APP: variants seen among roughly 807,000 people sequenced by gnomAD.
APP encodes amyloid-beta precursor protein.
APP carries 31 observed loss-of-function variants against 101.4 expected under a neutral mutation model. The observed-to-expected ratio is 0.31, with a 90% CI of 0.23 to 0.41. The LOEUF (loss-of-function observed/expected upper bound fraction) is 0.41. Ranked by LOEUF, APP falls within the 10% of genes least tolerant of loss-of-function variation. The pLI is 1.00. For missense variants in APP, 839 were observed against 1,003.7 expected, an observed-to-expected ratio of 0.84 and a Z score of 2.22; for synonymous variants, 366 against 364.4, an observed-to-expected ratio of 1.00 and a Z score of -0.05.
intron 1 of APP, 127 bp from the exon 2 acceptor site, chr21:26,112,273 C>T: frequency 1.1e-6 from 1 of 925,700 alleles, no homozygotes; most frequent in Non-Finnish European, 1.7e-6. Flanking sequence ...TCAGCCCGGT[C>T]TTCAACACTC....
chr21:25,903,300 C>T (rs941261377), intron 15 of APP, among the ~76,000 whole-genome samples: 2 of 144,228 alleles, frequency 1.4e-5, no homozygotes, highest in African/African-American at 5.2e-5. Context: ...ACCCCCGAGG[C>T]AGAGGTTGCA....
At chr21:26,087,041 G>T (rs999462916) in intron 3 of APP, among the ~76,000 whole-genome samples, 4 of 152,136 alleles carry the variant, frequency 2.6e-5, no homozygotes, top group Non-Finnish European at 5.9e-5. Context: ...TTACACCTAT[G>T]TCCCTATGTT....
chr21:26,121,754 T>C (rs1295038485), intron 1 of APP, among the ~76,000 whole-genome samples: 1 of 152,234 alleles, frequency 6.6e-6, no homozygotes, highest in Admixed American at 6.5e-5. Flanking sequence ...GTGAGTTTTC[T>C]AGAGTTTAAG....
At chr21:26,063,055 T>C (rs2046333703) in intron 3 of APP, among the ~76,000 whole-genome samples, 1 of 152,204 alleles carries the variant, frequency 6.6e-6, no homozygotes, top group Non-Finnish European at 1.5e-5. Context: ...TGAGCCACTG[T>C]ACCCAGCCTG....
chr21:25,992,824 G>A (rs780086357), intron 8 of APP, among the ~76,000 whole-genome samples: 4 of 152,208 alleles, frequency 2.6e-5, no homozygotes, highest in Non-Finnish European at 4.4e-5. Flanking sequence ...GGAGCAAAGT[G>A]TAATCCCAGG....
At chr21:25,917,918 A>G (rs1480093959) in intron 13 of APP, among the ~76,000 whole-genome samples, 2 of 130,730 alleles carry the variant, frequency 1.5e-5, no homozygotes, top group East Asian at 3.2e-4. Flanking sequence ...CAAACATATG[A>G]AAAAAAAAAA....
At chr21:25,945,643 T>C (rs185892110) in intron 13 of APP, 1 of 278,790 alleles carries the variant, frequency 3.6e-6, no homozygotes, top group East Asian at 1.2e-4. Flanking sequence ...ATATTATCTA[T>C]GGACAATTGA....
chr21:25,883,081 A>G (rs1295143121), intron 17 of APP, among the ~76,000 whole-genome samples: 1 of 152,130 alleles, frequency 6.6e-6, no homozygotes, highest in Non-Finnish European at 1.5e-5. Context: ...ACTAGACCAC[A>G]CTGGCTGATA....
chr21:26,047,728 T>C (rs2045667786), intron 5 of APP, among the ~76,000 whole-genome samples: 1 of 151,558 alleles, frequency 6.6e-6, no homozygotes, highest in Non-Finnish European at 1.5e-5. Context: ...AAATAAAGAG[T>C]GATAAGAAAT....
intron 8 of APP, among the ~76,000 whole-genome samples, chr21:25,985,366 C>A (rs893901866): frequency 1.3e-5 from 2 of 152,156 alleles, no homozygotes; most frequent in Non-Finnish European, 2.9e-5. Flanking sequence ...AATTGGTGCA[C>A]TCAGTAAAGT....
chr21:26,135,309 G>A (rs917476814), intron 1 of APP, among the ~76,000 whole-genome samples: 2 of 152,180 alleles, frequency 1.3e-5, no homozygotes, highest in African/African-American at 4.8e-5. Context: ...CACTCAGAAA[G>A]GGTATGGGGG....
intron 1 of APP, among the ~76,000 whole-genome samples, chr21:26,146,382 C>A (rs1412024884): frequency 6.6e-6 from 1 of 152,202 alleles, no homozygotes; most frequent in Non-Finnish European, 1.5e-5. Flanking sequence ...CTTTGCCCAT[C>A]AGGGTTTTAA....
At chr21:26,092,004 T>A (rs1379430574) in intron 2 of APP, among the ~76,000 whole-genome samples, 2 of 152,108 alleles carry the variant, frequency 1.3e-5, no homozygotes, top group Non-Finnish European at 2.9e-5. Flanking sequence ...AAATTAATAA[T>A]CCCTTATCTT....
In APP at chr21:26,019,524, T is replaced by C. The variant is rs117079913; in HGVS notation, c.865+2316A>G. Reference sequence around the variant, plus strand: ...ATTTCTTACAACACAGATGGCTTTGTACTTCTTTGACTTCTATTTCCTAAG... The same window carrying C: ...ATTTCTTACAACACAGATGGCTTTGCACTTCTTTGACTTCTATTTCCTAAG... On this transcript the variant is annotated intron_variant, in intron 6 of 17. Coordinates refer to ENST00000346798, the MANE Select transcript of APP (RefSeq NM_000484.4). Among the ~76,000 whole-genome samples, 447 of 152,168 alleles carry C rather than the reference T, an allele frequency of 2.9e-3. 7 individuals are homozygous for C. In the East Asian group the frequency reaches 0.038, roughly 13 times the overall value.
chr21:25,987,125 C>T (rs1002292655), intron 8 of APP, among the ~76,000 whole-genome samples: 4 of 152,172 alleles, frequency 2.6e-5, no homozygotes, highest in African/African-American at 7.2e-5. Flanking sequence ...TTATGATGTC[C>T]GTTGGCTTGT....
At chr21:26,056,851 A>G (rs1327273482) in intron 3 of APP, among the ~76,000 whole-genome samples, 1 of 152,232 alleles carries the variant, frequency 6.6e-6, no homozygotes, top group Non-Finnish European at 1.5e-5. Flanking sequence ...CACTGCTTAC[A>G]TTACTTTTAA....
chr21:25,958,565 AG>A (rs5843194), intron 11 of APP, among the ~76,000 whole-genome samples: 151,718 of 152,362 alleles, frequency 1, 75,539 homozygotes, highest in East Asian at 1. Context: ...GCGTGCGACC[AG>A]TGCACGGCCA....
chr21:25,992,140 C>T (rs1337495585), intron 8 of APP, among the ~76,000 whole-genome samples: 9 of 152,152 alleles, frequency 5.9e-5, no homozygotes, highest in Admixed American at 2.0e-4. Flanking sequence ...CGAAGTACTT[C>T]GGGAGGCCGA....
At chr21:26,158,729 C>T (rs1366309851) in intron 1 of APP, among the ~76,000 whole-genome samples, 1 of 152,162 alleles carries the variant, frequency 6.6e-6, no homozygotes, top group Non-Finnish European at 1.5e-5. Flanking sequence ...TGGGCTTCCC[C>T]CTTTGAAACT....
Sources: allele counts gnomAD v4.1 joint callset (sites outside exome capture counted in the v4.1 genomes callset), GRCh38; gene constraint gnomAD v4.1.1; transcripts MANE v1.5; gene names NCBI Gene and HGNC (gene_info 2026-07-23, HGNC 2026-07-21).